Variants in SPARC observed in about 807,000 individuals in gnomAD.
The protein encoded by SPARC is secreted protein acidic and cysteine rich.
Under a neutral mutation model 37.7 loss-of-function variants are expected in SPARC, and 23 were observed. That is an observed-to-expected ratio of 0.61 (90% confidence interval 0.44 to 0.87). SPARC has a LOEUF of 0.87. Ranked by LOEUF, SPARC falls within the 40% of genes least tolerant of loss-of-function variation. SPARC has a pLI of 0.00. For missense variants in SPARC, 312 were observed against 389.0 expected (o/e 0.80, Z 1.66); for synonymous variants, 155 against 150.8 (o/e 1.03, Z -0.20).
rs758433660 is a variant in SPARC at position 151,667,467 on chromosome 5, C to A, written c.585G>T (p.Arg195=). Residue 195 remains arginine, a splice_region_variant and synonymous_variant, in exon 7 of 10, where the codon CGG becomes CGT. Transcript: ENST00000231061. ...CAGCAAGGCCAGAGAGACCACTTAC[C>A]CGCAGCTTCTGCTTCTCAGTCAGAA... ...NNLLTEKQKL[R]VKKIHENEKR... is the part of the protein sequence containing the mutation. The A allele has an allele frequency of 3.1e-6, 5 of 1,614,154 alleles. 1 individual carries two copies. In the South Asian group the frequency reaches 5.5e-5, roughly 18 times the overall value.
At chr5:151,663,951 G>T in intron 9 of SPARC, 136 bp downstream of exon 9, 1 of 1,032,710 alleles carries the variant, frequency 9.7e-7, no homozygotes, top group Non-Finnish European at 1.5e-6. Context: ...GAGTCAAATA[G>T]GCAGAGAGAG....
At chr5:151,669,869 G>A (rs760089850) in intron 5 of SPARC, 85 bp from the exon 6 acceptor site, 84 of 1,536,074 alleles carry the variant, frequency 5.5e-5, no homozygotes, top group Admixed American at 1.6e-4. Flanking sequence ...CAGAGATGGG[G>A]ACACTGAGGG....
At chr5:151,667,638 G>T (rs750743867) in intron 6 of SPARC, 38 bp from the exon 7 acceptor site, 3 of 1,607,670 alleles carry the variant, frequency 1.9e-6, no homozygotes, top group Non-Finnish European at 2.5e-6. Context: ...CACAGACCCT[G>T]CCTGGGCCGT....
At chr5:151,683,878 TG>T (rs1761067674) in intron 1 of SPARC, among the ~76,000 whole-genome samples, 2 of 152,186 alleles carry the variant, frequency 1.3e-5, no homozygotes, top group South Asian at 4.1e-4. Flanking sequence ...GCTGAGCCAG[TG>T]GGTGCCTGTT....
chr5:151,669,900 G>T, intron 5 of SPARC, 116 bp from the exon 6 acceptor site: 1 of 1,410,676 alleles, frequency 7.1e-7, no homozygotes, highest in Non-Finnish European at 9.8e-7. Flanking sequence ...AATGTCATTA[G>T]CCTGAGGTCA....
In SPARC at chr5:151,662,107, A is replaced by G. The variant is rs1206994773; in HGVS notation, c.*1464T>C. 2.6e-5 allele frequency: 4 copies of G among 152,654 alleles called. No individual in the cohort carries two copies. Among genetic ancestry groups the G allele is most frequent in the Non-Finnish European group, 4.4e-5 (3 of 68,054 alleles). 9.5% of individuals were successfully genotyped at this position (152,654 alleles called of 1,614,324 possible). A position where few individuals can be genotyped will look rare whatever the true frequency, so the allele number is the denominator to read the frequency against. ...ACCTGGTGCAGAGTAAATACATCAT[A>G]AATATTTTGTGAATGAATGAATGAA... On this transcript the variant is annotated 3_prime_UTR_variant, in exon 10 of 10. Coordinates refer to ENST00000231061, the MANE Select transcript of SPARC (RefSeq NM_003118.4).
At chr5:151,664,263 T>C in intron 8 of SPARC, 28 bp from the exon 9 acceptor site, 5 of 1,605,370 alleles carry the variant, frequency 3.1e-6, no homozygotes, top group Non-Finnish European at 4.3e-6. Context: ...GGGGAGGGCC[T>C]GAGGCATGGA....
intron 2 of SPARC, 61 bp downstream of exon 2, chr5:151,676,071 C>T (rs990673675): frequency 9.9e-6 from 14 of 1,419,844 alleles, no homozygotes; most frequent in Non-Finnish European, 1.4e-5. Context: ...CTGGCAGGCT[C>T]AGAACCCCTG....
chr5:151,679,859 T>G (rs896145305), intron 1 of SPARC: 2 of 152,202 alleles, frequency 1.3e-5, no homozygotes, highest in Non-Finnish European at 2.9e-5. Flanking sequence ...CATAGAATCA[T>G]GGACTGTGGG....
chr5:151,684,804 G>A (rs1164344199), intron 1 of SPARC, among the ~76,000 whole-genome samples: 1 of 152,076 alleles, frequency 6.6e-6, no homozygotes, highest in Non-Finnish European at 1.5e-5. Flanking sequence ...TAGAGGGAAT[G>A]GGGCCCAGAA....
At chr5:151,683,158 T>C (rs771389676) in intron 1 of SPARC, among the ~76,000 whole-genome samples, 21 of 152,182 alleles carry the variant, frequency 1.4e-4, no homozygotes, top group Non-Finnish European at 3.1e-4. Flanking sequence ...TCAGGGTTGC[T>C]GAAAGCTCAA....
rs1310063598 is a variant in SPARC at position 151,667,157 on chromosome 5, G to C, written c.585+310C>G. On this transcript the variant is annotated intron_variant, in intron 7 of 9. Transcript: ENST00000231061. The stretch of plus-strand genomic sequence containing the variant: ...TGCATTTTATCAGCTTCTTGGGGTA[G>C]TTAATATGCTCATTAAAGCTTAAGA... Among the ~76,000 whole-genome samples, 6 of 152,348 alleles carry C rather than the reference G, an allele frequency of 3.9e-5. No homozygotes were observed. In the East Asian group the frequency reaches 1.2e-3, roughly 29 times the overall value.
chr5:151,666,523 G>T lies in SPARC; in HGVS notation c.586-14C>A, dbSNP rs1037623144. Reference sequence around the variant, plus strand: ...GATCTTCTTCACCTGAGGGAGTAGAGACTGTGTGTGACAAGAGGTCCATGG... The same window carrying T: ...GATCTTCTTCACCTGAGGGAGTAGATACTGTGTGTGACAAGAGGTCCATGG... On this transcript the variant is annotated splice_polypyrimidine_tract_variant and intron_variant, in intron 7 of 9. Transcript: ENST00000231061. The T allele has an allele frequency of 1.2e-6, 2 of 1,611,908 alleles. No homozygotes were observed. The highest frequency in any genetic ancestry group is 2.7e-5 in the African/African-American group (2 of 74,916).
Position 151,662,925 on chromosome 5 carries a change from C to T in SPARC, c.*646G>A, listed in dbSNP as rs1760542173. 6.6e-6 allele frequency: 1 copy of T among 152,254 alleles called. No individual in the cohort carries two copies. The highest frequency in any genetic ancestry group is 2.4e-5 in the African/African-American group (1 of 41,450). 9.4% of individuals were successfully genotyped at this position (152,254 alleles called of 1,614,324 possible). ...CAGCCTAATGTGAAAAGAAACTGCA[C>T]TGAAAGGTAAAGGAGGAAATGGTGA... On this transcript the variant is annotated 3_prime_UTR_variant, in exon 10 of 10. Transcript: ENST00000231061.
chr5:151,666,787 G>C (rs192858977), intron 7 of SPARC, among the ~76,000 whole-genome samples: 5 of 152,350 alleles, frequency 3.3e-5, no homozygotes, highest in Non-Finnish European at 5.9e-5. Context: ...CGCTTTGGGA[G>C]GCTGAGGCAG....
chr5:151,669,697 TG>T lies in SPARC; in HGVS notation c.417del (p.His139GlnfsTer22). On this transcript the variant is annotated frameshift_variant, in exon 6 of 10. Coordinates refer to ENST00000231061, the MANE Select transcript of SPARC (RefSeq NM_003118.4). LOFTEE classifies it high-confidence loss of function. ...KCTLEGTKKG[H>X]KLHLDYIGPC... Reference sequence around the variant, plus strand: ...GGCCCGATGTAGTCCAGGTGGAGCTTGTGGCCCTTCTTGGTGCCCTCCAGGG... The same window carrying T: ...GGCCCGATGTAGTCCAGGTGGAGCTTTGGCCCTTCTTGGTGCCCTCCAGGG... The T allele has an allele frequency of 3.1e-6, 5 of 1,614,166 alleles. No individual in the cohort carries two copies. The highest frequency in any genetic ancestry group is 4.2e-6 in the Non-Finnish European group (5 of 1,180,028).
intron 1 of SPARC, among the ~76,000 whole-genome samples, chr5:151,678,267 T>A (rs73277839): frequency 2.4e-3 from 361 of 152,328 alleles, no homozygotes; most frequent in African/African-American, 8.5e-3. Flanking sequence ...GACATTTCCC[T>A]GAGTCTGCGT....
chr5:151,665,970 A>G (rs1760610636), intron 8 of SPARC, among the ~76,000 whole-genome samples: 1 of 152,190 alleles, frequency 6.6e-6, no homozygotes, highest in Non-Finnish European at 1.5e-5. Context: ...GGGCTTAGAC[A>G]GTGCCAGGTG....
At chr5:151,673,767 C>T (rs892447787) in intron 3 of SPARC, among the ~76,000 whole-genome samples, 3 of 152,186 alleles carry the variant, frequency 2.0e-5, no homozygotes, top group African/African-American at 7.2e-5. Flanking sequence ...ATTGAAGTCT[C>T]GTGTCTCCCT....
Sources: allele counts gnomAD v4.1 joint callset (sites outside exome capture counted in the v4.1 genomes callset), GRCh38; gene constraint gnomAD v4.1.1; transcripts MANE v1.5; gene names NCBI Gene and HGNC (gene_info 2026-07-23, HGNC 2026-07-21).